The following ZNF532 variants were observed in gnomAD, a reference collection of about 807,000 sequenced individuals.
ZNF532 encodes the protein zinc finger protein 532.
In ZNF532, 22 loss-of-function variants were observed where a neutral mutation model predicts 89.3. The observed-to-expected ratio is 0.25, with a 90% CI of 0.18 to 0.35. The LOEUF (loss-of-function observed/expected upper bound fraction) is 0.35. Ranked by LOEUF, ZNF532 falls within the 10% of genes least tolerant of loss-of-function variation. ZNF532 has a pLI of 1.00. For synonymous variants in ZNF532, 606 were observed against 649.6 expected, an observed-to-expected ratio of 0.93 and a Z score of 1.02; for missense variants, 1,132 against 1,643.4, an observed-to-expected ratio of 0.69 and a Z score of 5.38.
intron 7 of ZNF532, among the ~76,000 whole-genome samples, chr18:58,975,551 A>G (rs6567041): frequency 0.58 from 88,677 of 152,042 alleles, 26,783 homozygotes; most frequent in African/African-American, 0.74. Flanking sequence ...ATGGCCTGCC[A>G]AGGCCGTACC....
chr18:58,970,957 C>G (rs1412767303), intron 7 of ZNF532, among the ~76,000 whole-genome samples: 2 of 152,146 alleles, frequency 1.3e-5, no homozygotes, highest in Admixed American at 1.3e-4. Flanking sequence ...TTTCTCTGCC[C>G]AAGTGTCTGA....
chr18:58,920,151 G>A lies in ZNF532; in HGVS notation c.1864G>A (p.Gly622Arg). 6.2e-7 allele frequency: 1 copy of A among 1,613,926 alleles called. No homozygotes were observed. Among genetic ancestry groups the A allele is most frequent in the East Asian group, 2.2e-5 (1 of 44,874 alleles). The change falls in exon 3 of 10, where the codon GGG (glycine) becomes AGG (arginine). Residue 622 changes from glycine to arginine, a missense_variant. Around this residue, in one of 9 missense-constraint regions of ZNF532, gnomAD observed 70 missense variants for 152.1 expected, o/e 0.46. Transcript: ENST00000591808. The stretch of plus-strand genomic sequence containing the variant: ...GCGTGGGTACAAGTGCTTGGAGTGT[G>A]GGGACTCCTTTGCACTTGAAAAGAG... ...PTRGYKCLECGDSFALEKSLT... is the reference protein window; with the variant it reads ...PTRGYKCLECRDSFALEKSLT...
chr18:58,918,368 A>G lies in ZNF532; in HGVS notation c.81A>G (p.Lys27=). ...ACATCCCAGATATGGTCGATCCTAA[A>G]GCAGCTATTGAGTCTGGACACGATG... ...AFDIPDMVDP[K]AAIESGHDDH... The change falls in exon 3 of 10, where the codon AAA becomes AAG. Residue 27 remains lysine (K), a synonymous_variant. Coordinates refer to ENST00000591808, the MANE Select transcript of ZNF532 (RefSeq NM_001375912.1). 7 of 1,614,188 alleles carry G rather than the reference A, an allele frequency of 4.3e-6. No individual in the cohort carries two copies. Among genetic ancestry groups the G allele is most frequent in the Non-Finnish European group, 5.9e-6 (7 of 1,180,038 alleles).
chr18:58,964,056 A>G (rs1222723727), intron 7 of ZNF532: 4 of 152,192 alleles, frequency 2.6e-5, no homozygotes, highest in Non-Finnish European at 4.4e-5. Flanking sequence ...TCTAGTTTGC[A>G]TAGTTCATTG....
chr18:58,933,459 A>G (rs2062123274), intron 3 of ZNF532, among the ~76,000 whole-genome samples: 1 of 152,208 alleles, frequency 6.6e-6, no homozygotes, highest in Non-Finnish European at 1.5e-5. Context: ...AAATCTTAGC[A>G]AGAATCTATA....
intron 5 of ZNF532, among the ~76,000 whole-genome samples, chr18:58,941,955 C>CTTCCCTCT (rs2063090223): frequency 7.5e-6 from 1 of 133,130 alleles, no homozygotes. Context: ...TCCTTTCCTC[C>CTTCCCTCT]CTCCCTCTCT....
chr18:58,923,953 T>C (rs368418192), intron 3 of ZNF532, among the ~76,000 whole-genome samples: 2 of 152,128 alleles, frequency 1.3e-5, no homozygotes, highest in South Asian at 2.1e-4. Flanking sequence ...GCCTCCTGGG[T>C]TCAAGTGATT....
At chr18:58,908,080 T>G (rs2060046144) in intron 2 of ZNF532, among the ~76,000 whole-genome samples, 1 of 152,232 alleles carries the variant, frequency 6.6e-6, no homozygotes, top group South Asian at 2.1e-4. Context: ...GTTTGAATGT[T>G]ATGCTGTTTT....
intron 2 of ZNF532, among the ~76,000 whole-genome samples, chr18:58,894,484 A>T (rs867721679): frequency 2.6e-5 from 4 of 151,906 alleles, no homozygotes; most frequent in Admixed American, 1.3e-4. Context: ...AAAAAAAAAA[A>T]AGAAAATAGA....
chr18:58,951,646 GTTTT>G (rs3039758), intron 6 of ZNF532, among the ~76,000 whole-genome samples: 1 of 72,592 alleles, frequency 1.4e-5, no homozygotes, highest in Admixed American at 1.9e-4. Flanking sequence ...TCGCCCTGTT[GTTTT>G]TTTTTTTTTT....
intron 3 of ZNF532, among the ~76,000 whole-genome samples, chr18:58,927,457 T>G (rs2061617547): frequency 6.6e-6 from 1 of 152,068 alleles, no homozygotes; most frequent in Non-Finnish European, 1.5e-5. Flanking sequence ...AATTTTTTTT[T>G]GTCTCTACCC....
intron 2 of ZNF532, among the ~76,000 whole-genome samples, chr18:58,884,979 G>GTTTTTTTTTTT (rs34689408): frequency 1.4e-5 from 2 of 138,104 alleles, no homozygotes; most frequent in Non-Finnish European, 1.6e-5. Context: ...CAGTACAAGG[G>GTTTTTTTTTTT]TTTTTTTTTT....
intron 2 of ZNF532, among the ~76,000 whole-genome samples, chr18:58,888,893 AT>A (rs2058678124): frequency 3.8e-5 from 2 of 52,460 alleles, no homozygotes; most frequent in Admixed American, 7.4e-4. Flanking sequence ...TATATATTTT[AT>A]ATATATATAT....
chr18:58,967,108 G>A (rs745319894), intron 7 of ZNF532, among the ~76,000 whole-genome samples: 5 of 152,208 alleles, frequency 3.3e-5, no homozygotes, highest in Non-Finnish European at 7.3e-5. Context: ...TGGTAACCAG[G>A]TCAGTGGGCT....
At chr18:58,907,051 A>T (rs1297186393) in intron 2 of ZNF532, among the ~76,000 whole-genome samples, 2 of 152,192 alleles carry the variant, frequency 1.3e-5, no homozygotes, top group East Asian at 3.9e-4. Flanking sequence ...AGGACCTGGA[A>T]AAGATGGCTC....
chr18:58,985,580 C>T lies in ZNF532; in HGVS notation c.*1114C>T, dbSNP rs1052794. 33 of 152,650 alleles carry T rather than the reference C, an allele frequency of 2.2e-4. No individual in the cohort carries two copies. The East Asian group carries it at 6.2e-3, about 29-fold the overall frequency. The allele number at this position is 152,650 out of a possible 1,614,324, so 9.5% of individuals were successfully genotyped here. A position where few individuals can be genotyped will look rare whatever the true frequency, so the allele number is the denominator to read the frequency against. ...GCCGTTACCTTAAGCACTGAGCCAC[C>T]CGGGTTTAGTTCAGCCATTTCAAGA... On this transcript the variant is annotated 3_prime_UTR_variant, in exon 10 of 10. Transcript: ENST00000591808.
At chr18:58,899,531 CG>C (rs1183526084) in intron 2 of ZNF532, among the ~76,000 whole-genome samples, 5 of 151,994 alleles carry the variant, frequency 3.3e-5, no homozygotes, top group African/African-American at 9.7e-5. Flanking sequence ...TGCAGTGGCG[CG>C]ATCTTGACTC....
Position 58,984,609 on chromosome 18 carries a change from C to G in ZNF532, c.*143C>G, listed in dbSNP as rs1046079681. ...TCTTTCAATGTACCTTCCTTCACCT[C>G]GTCGTATATATCCTCGATAAGTATT... On this transcript the variant is annotated 3_prime_UTR_variant, in exon 10 of 10. Transcript: ENST00000591808. 4.2e-6 allele frequency: 4 copies of G among 952,562 alleles called. No individual in the cohort carries two copies. The highest frequency in any genetic ancestry group is 2.9e-5 in the Admixed American group (1 of 34,198). 59.0% of individuals were successfully genotyped at this position (952,562 alleles called of 1,614,324 possible). A position where few individuals can be genotyped will look rare whatever the true frequency, so the allele number is the denominator to read the frequency against.
chr18:58,942,934 T>C (rs1036930060), intron 5 of ZNF532, among the ~76,000 whole-genome samples: 1 of 152,164 alleles, frequency 6.6e-6, no homozygotes, highest in African/African-American at 2.4e-5. Context: ...AGAGAACATA[T>C]GGATGTATGA....
Sources: allele counts gnomAD v4.1 joint callset (sites outside exome capture counted in the v4.1 genomes callset), GRCh38; gene constraint gnomAD v4.1.1; regional missense constraint gnomAD v4.1.1; transcripts MANE v1.5; gene names NCBI Gene and HGNC (gene_info 2026-07-23, HGNC 2026-07-21).